TMPRSS13: variants seen among roughly 807,000 people sequenced by gnomAD.
TMPRSS13 encodes the protein transmembrane protease serine 13.
In TMPRSS13, 50 loss-of-function variants were observed where a neutral mutation model predicts 68.4. The ratio of observed to expected loss-of-function variants is 0.73; its 90% CI spans 0.58 to 0.93. The LOEUF is 0.93. Ranked by LOEUF, TMPRSS13 falls within the 40% of genes least tolerant of loss-of-function variation. The pLI is 0.00. For synonymous variants in TMPRSS13, 267 were observed against 285.8 expected (o/e 0.93, Z 0.66); for missense variants, 615 against 729.2 (o/e 0.84, Z 1.80).
At chr11:117,917,128 G>C (rs1283582411) in intron 3 of TMPRSS13, 42 bp downstream of exon 3, 2 of 1,539,086 alleles carry the variant, frequency 1.3e-6, no homozygotes, top group Admixed American at 3.4e-5. Context: ...ACTCTGCCCA[G>C]CAGTGCCCAG....
At position 117,914,250 on chromosome 11, in the gene TMPRSS13, C is replaced by A; in HGVS notation, c.679+142G>T. 1 of 1,139,438 alleles carries A rather than the reference C, an allele frequency of 8.8e-7. No homozygotes were observed. Among genetic ancestry groups the A allele is most frequent in the Non-Finnish European group, 1.3e-6 (1 of 782,474 alleles). The allele number at this position is 1,139,438 out of a possible 1,614,324, so 70.6% of individuals were successfully genotyped here. ...ACATACGTGCACACACACATACATG[C>A]ATACACACAAACATGCACATACACA... is the stretch of plus-strand genomic sequence containing the variant. On this transcript the variant is annotated intron_variant, in intron 4 of 12. Transcript: ENST00000524993. This position sits in a 1 kb window ranked among gnomAD's most constrained non-coding sequence, Gnocchi z 4.2.
intron 7 of TMPRSS13, 68 bp downstream of exon 7, chr11:117,910,639 G>T: frequency 6.8e-7 from 1 of 1,481,056 alleles, no homozygotes; most frequent in South Asian, 1.2e-5. Context: ...TCCCTTGGAG[G>T]AGTGCTGCCC....
intron 5 of TMPRSS13, among the ~76,000 whole-genome samples, chr11:117,912,422 C>T (rs2057533271): frequency 6.6e-6 from 1 of 152,248 alleles, no homozygotes; most frequent in Admixed American, 6.5e-5. Context: ...TCTTAGAACA[C>T]AGCGTGCCTA....
chr11:117,920,501 G>A (rs2057633276), intron 1 of TMPRSS13, among the ~76,000 whole-genome samples: 1 of 151,922 alleles, frequency 6.6e-6, no homozygotes, highest in Admixed American at 6.6e-5. Context: ...ACCGTGCCTG[G>A]CTAATTTTTG....
chr11:117,912,617 C>A (rs760424940), intron 5 of TMPRSS13, among the ~76,000 whole-genome samples: 1 of 152,218 alleles, frequency 6.6e-6, no homozygotes, highest in Non-Finnish European at 1.5e-5. Flanking sequence ...ACTTAGCACA[C>A]GCTGCTCCTC....
rs1470996873 is a variant in TMPRSS13 at position 117,905,789 on chromosome 11, A to G, written c.1283-53T>C. 4 of 1,435,784 alleles carry G rather than the reference A, an allele frequency of 2.8e-6. No homozygotes were observed. The East Asian group carries it at 7.5e-5, about 27-fold the overall frequency. The allele number at this position is 1,435,784 out of a possible 1,614,324, so 88.9% of individuals were successfully genotyped here. A position where few individuals can be genotyped will look rare whatever the true frequency, so the allele number is the denominator to read the frequency against. ...AAGGAACAAGGCTGAGACTTTCAGT[A>G]GGGGGAGGGAGAAGGAGCACAACCA... On this transcript the variant is annotated intron_variant, in intron 9 of 12. Transcript: ENST00000524993.
At chr11:117,909,622 A>C (rs1477007457) in intron 8 of TMPRSS13, among the ~76,000 whole-genome samples, 184 bp downstream of exon 8, 2 of 152,162 alleles carry the variant, frequency 1.3e-5, no homozygotes, top group African/African-American at 4.8e-5. Flanking sequence ...AGCTCGGAAC[A>C]AACACCCCCG....
At chr11:117,928,125 A>C (rs2057724103) in intron 1 of TMPRSS13, among the ~76,000 whole-genome samples, 1 of 152,144 alleles carries the variant, frequency 6.6e-6, no homozygotes, top group Admixed American at 6.5e-5. Context: ...CTCCCAGCAT[A>C]TTGCCAAGGA....
At chr11:117,907,946 C>G (rs2057480121) in intron 9 of TMPRSS13, 1 of 986,796 alleles carries the variant, frequency 1.0e-6, no homozygotes. Flanking sequence ...CCCCTGTCCA[C>G]AGTGATCTTC....
At chr11:117,918,303 C>T (rs528552786) in intron 2 of TMPRSS13, 106 bp downstream of exon 2, 10 of 1,348,912 alleles carry the variant, frequency 7.4e-6, no homozygotes, top group Middle Eastern at 2.5e-4. Flanking sequence ...TCCCCTTCCC[C>T]GCATCGTTGT....
chr11:117,903,234 T>G, intron 12 of TMPRSS13: 1 of 1,323,348 alleles, frequency 7.6e-7, no homozygotes, highest in South Asian at 1.7e-5. Flanking sequence ...AAAAAGAAAA[T>G]CAAAAAGACT....
intron 2 of TMPRSS13, 132 bp from the exon 3 acceptor site, chr11:117,917,406 A>AT: frequency 1.6e-6 from 1 of 641,312 alleles, no homozygotes; most frequent in Non-Finnish European, 2.7e-6. Context: ...TTGGAATGAG[A>AT]TTTTATGGGG....
At chr11:117,902,726 G>A (rs182710662) in intron 12 of TMPRSS13, among the ~76,000 whole-genome samples, 5 of 152,372 alleles carry the variant, frequency 3.3e-5, no homozygotes, top group East Asian at 3.9e-4. Flanking sequence ...GGCTGGCACC[G>A]AGGTGAGGCC....
At chr11:117,910,781 G>A (rs2057515623) in intron 6 of TMPRSS13, 31 bp from the exon 7 acceptor site, 1 of 1,593,164 alleles carries the variant, frequency 6.3e-7, no homozygotes, top group Non-Finnish European at 8.6e-7. Context: ...AGTGGGAAAA[G>A]GGCACATTAG....
chr11:117,925,568 G>T (rs1345588439), intron 1 of TMPRSS13, among the ~76,000 whole-genome samples: 2 of 151,960 alleles, frequency 1.3e-5, no homozygotes, highest in African/African-American at 2.4e-5. Flanking sequence ...CTCAGGGCTG[G>T]TACATAATGG....
rs1381632300 is a variant in TMPRSS13, at chr11:117,914,605, C to T, written c.557-91G>A. On this transcript the variant is annotated intron_variant, in intron 3 of 12. Coordinates refer to ENST00000524993, the MANE Select transcript of TMPRSS13 (RefSeq NM_001077263.3). This position sits in a 1 kb window ranked among gnomAD's most constrained non-coding sequence, Gnocchi z 4.2. ...CAAGGACCTGGGGGTTCTGAGACACCGACCTGCAATCCCTCTTGAACTCTG... is the reference window on the plus strand; with the variant it reads ...CAAGGACCTGGGGGTTCTGAGACACTGACCTGCAATCCCTCTTGAACTCTG... 7.6e-6 allele frequency: 12 copies of T among 1,571,638 alleles called. No individual in the cohort carries two copies. Among genetic ancestry groups the T allele is most frequent in the African/African-American group, 1.3e-5 (1 of 74,078 alleles).
At chr11:117,903,901 C>T in intron 11 of TMPRSS13, 58 bp downstream of exon 11, 2 of 1,597,580 alleles carry the variant, frequency 1.3e-6, no homozygotes, top group Non-Finnish European at 8.5e-7. Flanking sequence ...CCCCAACACC[C>T]CTGCCTCCCC....
At chr11:117,924,282 G>C (rs2057679902) in intron 1 of TMPRSS13, among the ~76,000 whole-genome samples, 1 of 151,922 alleles carries the variant, frequency 6.6e-6, no homozygotes, top group Non-Finnish European at 1.5e-5. Context: ...CGGACACACA[G>C]CCAGGTGGGG....
At chr11:117,904,247 C>T in intron 10 of TMPRSS13, 146 bp from the exon 11 acceptor site, 1 of 1,113,464 alleles carries the variant, frequency 9.0e-7, no homozygotes, top group Non-Finnish European at 1.3e-6. Flanking sequence ...GGCTCCCACC[C>T]AAGGGAGGCC....
Sources: gnomAD v4.1 joint callset for allele counts (sites outside exome capture counted in the v4.1 genomes callset) on GRCh38, gnomAD v4.1.1 for gene constraint, Gnocchi (gnomAD v3.1) non-coding constraint, MANE v1.5 for transcripts, NCBI Gene and HGNC (gene_info 2026-07-23, HGNC 2026-07-21) for gene names.